FAT4: variants seen among roughly 807,000 people sequenced by gnomAD.
The protein encoded by FAT4 is protocadherin Fat 4.
In FAT4, 84 loss-of-function variants were observed where a neutral mutation model predicts 303.9. That is an observed-to-expected ratio of 0.28 (90% confidence interval 0.23 to 0.33). FAT4 has a LOEUF of 0.33. Among genes scored for constraint, FAT4 ranks in the 10% least tolerant of loss-of-function variants. The pLI is 1.00. For missense variants in FAT4, 6,005 were observed against 6,146.8 expected, an observed-to-expected ratio of 0.98 and a Z score of 0.77; for synonymous variants, 2,307 against 2,298.8, an observed-to-expected ratio of 1.00 and a Z score of -0.10.
rs898704198 is a variant in FAT4, at chr4:125,321,112, C to T, written c.4701C>T (p.Ile1567=). The T allele has an allele frequency of 1.2e-6, 2 of 1,614,054 alleles. No homozygotes were observed. Among genetic ancestry groups the T allele is most frequent in the African/African-American group, 2.7e-5 (2 of 74,918 alleles). Residue 1567 remains isoleucine (I), a synonymous_variant, in exon 2 of 18, where the codon ATC becomes ATT. Coordinates refer to ENST00000394329, the MANE Select transcript of FAT4 (RefSeq NM_001291303.3). ...CTAATGGAGAAATAGAGTATGAGAT[C>T]ATCAATGGGGACACAGACACCTTCA... ...EGANGEIEYE[I]INGDTDTFIV...
intron 2 of FAT4, among the ~76,000 whole-genome samples, chr4:125,376,531 T>G (rs965880307): frequency 2.6e-5 from 4 of 152,090 alleles, no homozygotes; most frequent in African/African-American, 9.7e-5. Context: ...TAAACCAACA[T>G]GGCATATGTA....
At position 125,487,563 on chromosome 4, in the gene FAT4, T is replaced by C. The variant is rs1727453806; in HGVS notation, c.13041T>C (p.Leu4347=). 6.2e-7 allele frequency: 1 copy of C among 1,613,290 alleles called. No homozygotes were observed. Among genetic ancestry groups the C allele is most frequent in the East Asian group, 2.2e-5 (1 of 44,850 alleles). The change falls in exon 17 of 18, where the codon CTT becomes CTC. Residue 4347 remains leucine (L), a synonymous_variant. Transcript: ENST00000394329. The part of the protein sequence containing the change: ...FGGLDVLTIS[L]GGIPPNQAHR... ...GCCTTGATGTGCTTACTATATCACT[T>C]GGAGGAATTCCACCCAATCAAGCAC...
chr4:125,320,023 T>C lies in FAT4; in HGVS notation c.3612T>C (p.Asn1204=), dbSNP rs776097074. The change falls in exon 2 of 18, where the codon AAT becomes AAC. Residue 1204 remains asparagine (N), a synonymous_variant. Coordinates refer to ENST00000394329, the MANE Select transcript of FAT4 (RefSeq NM_001291303.3). The stretch of plus-strand genomic sequence containing the variant: ...TACATGTTTACATGAAGGATATAAA[T>C]GATAATGCTCCCAAATTTTTAAAAG... ...ATVHVYMKDI[N]DNAPKFLKDF... is the part of the protein sequence containing the mutation. 3 of 1,613,302 alleles carry C rather than the reference T, an allele frequency of 1.9e-6. No homozygotes were observed. Among genetic ancestry groups the C allele is most frequent in the South Asian group, 2.2e-5 (2 of 91,076 alleles).
chr4:125,336,043 A>G (rs1731557829), intron 2 of FAT4, among the ~76,000 whole-genome samples: 1 of 152,112 alleles, frequency 6.6e-6, no homozygotes, highest in African/African-American at 2.4e-5. Flanking sequence ...GTAAATAGCT[A>G]CTGTTCATAC....
intron 2 of FAT4, among the ~76,000 whole-genome samples, chr4:125,384,013 T>G (rs1253406865): frequency 1.3e-5 from 2 of 152,188 alleles, no homozygotes; most frequent in African/African-American, 2.4e-5. Context: ...CTTTATTTCT[T>G]TTTACTGCTG....
intron 9 of FAT4, among the ~76,000 whole-genome samples, chr4:125,447,355 A>G (rs1384862794): frequency 1.3e-5 from 2 of 152,162 alleles, no homozygotes; most frequent in East Asian, 3.8e-4. Context: ...TCCTCCTTTC[A>G]GTGATCTTTG....
intron 4 of FAT4, 101 bp downstream of exon 4, chr4:125,407,242 C>A: frequency 1.0e-6 from 1 of 981,104 alleles, no homozygotes; most frequent in Non-Finnish European, 1.5e-6. Flanking sequence ...AGTTTTTAAT[C>A]ATATACTACT....
chr4:125,490,000 C>T lies in FAT4; in HGVS notation c.13184C>T (p.Ser4395Leu), dbSNP rs1390441139. 6.2e-7 allele frequency: 1 copy of T among 1,614,040 alleles called. No individual in the cohort carries two copies. The highest frequency in any genetic ancestry group is 2.2e-5 in the East Asian group (1 of 44,858). ...SLASISKTDP[S>L]VKIGCRGPNI... is the part of the protein sequence containing the mutation. ...GCCTCCATCTCAAAAACAGATCCCT[C>T]AGTGAAGATTGGCTGCCGTGGCCCG... is the stretch of plus-strand genomic sequence containing the variant. The change falls in exon 18 of 18, where the codon TCA (serine) becomes TTA (leucine). Residue 4395 changes from serine to leucine, a missense_variant. Ser to Leu is a moderately radical substitution (Grantham distance 145). Transcript: ENST00000394329.
Position 125,406,880 on chromosome 4 carries a change from G to C in FAT4, c.5308G>C (p.Gly1770Arg). Residue 1770 changes from glycine (G) to arginine (R), a missense_variant and splice_region_variant, in exon 4 of 18, where the codon GGT becomes CGT. Coordinates refer to ENST00000394329, the MANE Select transcript of FAT4 (RefSeq NM_001291303.3). ...MQLTAMDADE[G>R]ANALVTYTII... ...TCAGATGCTTGGTCTCTTTTTTTAG[G>C]GTGCAAATGCTCTCGTCACATACAC... The C allele has an allele frequency of 6.2e-7, 1 of 1,609,342 alleles. No individual in the cohort carries two copies. The highest frequency in any genetic ancestry group is 1.1e-5 in the South Asian group (1 of 90,368).
At chr4:125,369,996 A>G (rs1733043497) in intron 2 of FAT4, among the ~76,000 whole-genome samples, 1 of 152,016 alleles carries the variant, frequency 6.6e-6, no homozygotes, top group African/African-American at 2.4e-5. Context: ...GTATGTATAT[A>G]CTACATTTTG....
chr4:125,441,259 A>C (rs1373649225), intron 8 of FAT4, among the ~76,000 whole-genome samples: 1 of 152,230 alleles, frequency 6.6e-6, no homozygotes. Flanking sequence ...GTTTAAGCAC[A>C]GAATAGGTGG....
rs1356698014 is a variant in FAT4 at position 125,315,085 on chromosome 4, T to C, written c.-905T>C. 6.6e-6 allele frequency among the ~76,000 whole-genome samples: 1 copy of C among 151,996 alleles called. No individual in the cohort carries two copies. The highest frequency in any genetic ancestry group is 2.4e-5 in the African/African-American group (1 of 41,376). On this transcript the variant is annotated 5_prime_UTR_variant, in exon 1 of 18. Transcript: ENST00000394329. ...GTGTGTGTGTGCGTGTGTATGTGTG[T>C]GTGTGTGCATGCCTGTGCGGCGGGG... is the stretch of plus-strand genomic sequence containing the variant.
intron 2 of FAT4, among the ~76,000 whole-genome samples, chr4:125,342,260 A>G (rs895030821): frequency 7.2e-5 from 11 of 152,152 alleles, no homozygotes; most frequent in Admixed American, 3.3e-4. Context: ...ATTGGTGTTG[A>G]TAAATTTAAA....
In FAT4 at chr4:125,359,002, G is replaced by A. The variant is rs146150432; in HGVS notation, c.5175+37416G>A. ...TCATTGTTTTATTAAGTATTTAATT[G>A]TGCATGAGTAATCATTGCCATTATT... is the stretch of plus-strand genomic sequence containing the variant. On this transcript the variant is annotated intron_variant, in intron 2 of 17. Coordinates refer to ENST00000394329, the MANE Select transcript of FAT4 (RefSeq NM_001291303.3). 2.5e-4 allele frequency among the ~76,000 whole-genome samples: 38 copies of A among 152,148 alleles called. No homozygotes were observed. The East Asian group carries it at 7.0e-3, about 28-fold the overall frequency.
chr4:125,352,305 G>C (rs1048317796), intron 2 of FAT4, among the ~76,000 whole-genome samples: 1 of 151,438 alleles, frequency 6.6e-6, no homozygotes, highest in Non-Finnish European at 1.5e-5. Flanking sequence ...TCAAGGGCCA[G>C]GGAAAACTTT....
chr4:125,380,315 G>A (rs576134076), intron 2 of FAT4, among the ~76,000 whole-genome samples: 12 of 152,184 alleles, frequency 7.9e-5, no homozygotes, highest in Non-Finnish European at 1.2e-4. Context: ...ATTAACCTGC[G>A]AAGGGTAAGT....
chr4:125,453,631 G>C (rs1409619397), intron 10 of FAT4, among the ~76,000 whole-genome samples: 3 of 151,998 alleles, frequency 2.0e-5, no homozygotes, highest in East Asian at 1.9e-4. Context: ...ACTTAAATTC[G>C]GGAGGCAGAG....
At chr4:125,410,147 T>A (rs1457158335) in intron 5 of FAT4, among the ~76,000 whole-genome samples, 2 of 152,164 alleles carry the variant, frequency 1.3e-5, no homozygotes, top group Non-Finnish European at 2.9e-5. Flanking sequence ...TTAGAATTCA[T>A]TGAGTAAGAG....
intron 2 of FAT4, among the ~76,000 whole-genome samples, chr4:125,334,580 T>G (rs541077791): frequency 7.2e-5 from 11 of 152,202 alleles, no homozygotes; most frequent in Non-Finnish European, 1.2e-4. Context: ...ATTTCAAATT[T>G]TTTAACAATT....
Sources: gnomAD v4.1 joint callset for allele counts (sites outside exome capture counted in the v4.1 genomes callset) on GRCh38, gnomAD v4.1.1 for gene constraint, MANE v1.5 for transcripts, NCBI Gene and HGNC (gene_info 2026-07-23, HGNC 2026-07-21) for gene names.